Variants in ENTREP2 observed in about 807,000 individuals in gnomAD.
The protein encoded by ENTREP2 is protein ENTREP2.
At chr15:29,497,140 C>T in the ENTREP2 span, among the ~76,000 whole-genome samples, 1 of 152,242 alleles carries the variant, frequency 6.6e-6, no homozygotes, top group African/African-American at 2.4e-5. Flanking sequence ...TCTCTTCTGC[C>T]TTCTGCTATG....
the ENTREP2 span, among the ~76,000 whole-genome samples, chr15:29,606,482 C>A: frequency 1.3e-5 from 2 of 152,046 alleles, no homozygotes; most frequent in Non-Finnish European, 2.9e-5. Flanking sequence ...GATCCACCCG[C>A]CTCAGCCTCC....
the ENTREP2 span, among the ~76,000 whole-genome samples, chr15:29,135,436 T>C: frequency 5.9e-5 from 9 of 152,094 alleles, no homozygotes; most frequent in Non-Finnish European, 1.3e-4. This position sits in a 1 kb window ranked among gnomAD's most constrained non-coding sequence, Gnocchi z 7.4. Context: ...CCTTGGAAGA[T>C]CCCTTGCACT....
chr15:29,228,016 G>C, the ENTREP2 span, among the ~76,000 whole-genome samples: 3 of 152,238 alleles, frequency 2.0e-5, no homozygotes, highest in African/African-American at 4.8e-5. Flanking sequence ...ATGATGCTAA[G>C]TGAAAGATGC....
chr15:29,620,303 C>G, the ENTREP2 span, among the ~76,000 whole-genome samples: 2 of 152,082 alleles, frequency 1.3e-5, no homozygotes, highest in Non-Finnish European at 2.9e-5. Context: ...GCCCAGCAGA[C>G]AGGGAATTGG....
the ENTREP2 span, among the ~76,000 whole-genome samples, chr15:29,169,472 CAAGT>C: frequency 1.8e-4 from 27 of 152,124 alleles, no homozygotes; most frequent in African/African-American, 5.6e-4. Context: ...CTTTAAAAAA[CAAGT>C]AAGACAGATC....
the ENTREP2 span, among the ~76,000 whole-genome samples, chr15:29,212,923 G>T: frequency 6.6e-6 from 1 of 152,136 alleles, no homozygotes. Flanking sequence ...TATGGTTTTA[G>T]GTCTAACATT....
At chr15:29,488,339 C>T in the ENTREP2 span, among the ~76,000 whole-genome samples, 2 of 152,026 alleles carry the variant, frequency 1.3e-5, no homozygotes, top group Admixed American at 6.5e-5. Flanking sequence ...AAGAAAGAAC[C>T]CGCGAACATA....
the ENTREP2 span, among the ~76,000 whole-genome samples, chr15:29,577,190 T>C: frequency 6.6e-6 from 1 of 151,908 alleles, no homozygotes; most frequent in Non-Finnish European, 1.5e-5. Context: ...CCTTGTGCAT[T>C]TCTGGTGGGA....
the ENTREP2 span, among the ~76,000 whole-genome samples, chr15:29,641,134 T>A: frequency 6.6e-6 from 1 of 152,320 alleles, no homozygotes; most frequent in African/African-American, 2.4e-5. Context: ...TTTCATAATT[T>A]AAAAAAGTCA....
At chr15:29,339,554 T>C in the ENTREP2 span, among the ~76,000 whole-genome samples, 1 of 152,240 alleles carries the variant, frequency 6.6e-6, no homozygotes, top group African/African-American at 2.4e-5. Flanking sequence ...GTCACCATAA[T>C]ATTTCAATCA....
chr15:29,598,298 G>T, the ENTREP2 span, among the ~76,000 whole-genome samples: 1 of 152,106 alleles, frequency 6.6e-6, no homozygotes, highest in Non-Finnish European at 1.5e-5. Context: ...AGATGTGTGG[G>T]GGTATGTCAT....
chr15:29,440,978 C>T, the ENTREP2 span, among the ~76,000 whole-genome samples: 1,199 of 152,232 alleles, frequency 7.9e-3, 7 homozygotes, highest in South Asian at 0.017. Context: ...GGGTATATAC[C>T]CAAAAGAACA....
chr15:29,489,203 G>T, the ENTREP2 span, among the ~76,000 whole-genome samples: 9 of 152,212 alleles, frequency 5.9e-5, no homozygotes, highest in Non-Finnish European at 1.5e-5. Flanking sequence ...GGCAGTAGCA[G>T]AAGCAGCATG....
the ENTREP2 span, among the ~76,000 whole-genome samples, chr15:29,493,533 C>T: frequency 3.3e-5 from 5 of 152,196 alleles, no homozygotes; most frequent in Admixed American, 6.5e-5. Flanking sequence ...AGAAGGATCA[C>T]TTGAGCCCAG....
chr15:29,216,224 C>A, the ENTREP2 span, among the ~76,000 whole-genome samples: 10,166 of 152,152 alleles, frequency 0.067, 1,172 homozygotes, highest in African/African-American at 0.23. Context: ...TTCATATATG[C>A]TGCTTAGTTT....
the ENTREP2 span, among the ~76,000 whole-genome samples, chr15:29,562,372 T>C: frequency 6.6e-6 from 1 of 152,226 alleles, no homozygotes; most frequent in Non-Finnish European, 1.5e-5. Context: ...GTGGTGAGAA[T>C]ATACACTGAG....
chr15:29,229,665 G>A, the ENTREP2 span, among the ~76,000 whole-genome samples: 1 of 152,108 alleles, frequency 6.6e-6, no homozygotes, highest in Non-Finnish European at 1.5e-5. Context: ...TCTTGTACTT[G>A]TTTTCTCCTG....
At chr15:29,465,159 T>C in the ENTREP2 span, among the ~76,000 whole-genome samples, 1 of 151,876 alleles carries the variant, frequency 6.6e-6, no homozygotes, top group East Asian at 1.9e-4. Flanking sequence ...ACTGGTGCCA[T>C]GTCCAAAGTG....
the ENTREP2 span, among the ~76,000 whole-genome samples, chr15:29,348,391 G>T: frequency 1.3e-5 from 2 of 152,272 alleles, no homozygotes; most frequent in South Asian, 2.1e-4. Flanking sequence ...TCAACAGAAC[G>T]AGAAGAGGGC....
Sources: gnomAD v4.1 joint callset for allele counts (sites outside exome capture counted in the v4.1 genomes callset) on GRCh38, gnomAD v4.1.1 for gene constraint, Gnocchi (gnomAD v3.1) non-coding constraint, MANE v1.5 for transcripts, NCBI Gene and HGNC (gene_info 2026-07-23, HGNC 2026-07-21) for gene names.